The following ATAD3A variants were observed in gnomAD, a reference collection of about 807,000 sequenced individuals.
ATAD3A encodes the protein ATPase family AAA domain-containing protein 3A.
A neutral mutation model predicts 73.8 loss-of-function variants in ATAD3A; 46 were observed. The observed-to-expected ratio is 0.62, with a 90% CI of 0.49 to 0.80. The LOEUF is 0.80. ATAD3A is among the 30% of genes least tolerant of loss of function. ATAD3A has a pLI of 0.00. For missense variants in ATAD3A, 705 were observed against 838.0 expected, an observed-to-expected ratio of 0.84 and a Z score of 1.96; for synonymous variants, 319 against 350.0, an observed-to-expected ratio of 0.91 and a Z score of 0.99.
chr1:1,520,410 C>G lies in ATAD3A; in HGVS notation c.680+104C>G, dbSNP rs1011245407. 31 of 1,592,614 alleles carry G rather than the reference C, an allele frequency of 1.9e-5. No homozygotes were observed. The highest frequency in any genetic ancestry group is 2.7e-5 in the Non-Finnish European group (31 of 1,166,316). On this transcript the variant is annotated intron_variant, in intron 6 of 15. Transcript: ENST00000378756. The surrounding 1 kb of genome is among the most constrained non-coding windows in gnomAD (Gnocchi z 4.0). ...CTCTTCCAGGCCTTGCCGCCGTAGG[C>G]TGACTCCTTGGTGGGGGCACTGCCC...
rs1307652435 is a variant in ATAD3A, at chr1:1,518,822, A to C, written c.445-99A>C. ...ACCGTCACACCCCGCAAACGGGCAC[A>C]CTCACCCCCCTGCACACTCGGGCAC... On this transcript the variant is annotated intron_variant, in intron 4 of 15. Coordinates refer to ENST00000378756, the MANE Select transcript of ATAD3A (RefSeq NM_001170535.3). The C allele has an allele frequency of 6.9e-6, 11 of 1,589,862 alleles. No individual in the cohort carries two copies. In the African/African-American group the frequency reaches 1.4e-4, roughly 21 times the overall value.
chr1:1,527,954 AT>A, intron 14 of ATAD3A, 92 bp downstream of exon 14: 2 of 1,158,652 alleles, frequency 1.7e-6, no homozygotes, highest in South Asian at 2.0e-5. Context: ...AACCTTTAAC[AT>A]TCCTTTTTTT....
chr1:1,518,932 T>C lies in ATAD3A; in HGVS notation c.456T>C (p.Asn152=), dbSNP rs1641487937. 4 of 1,613,950 alleles carry C rather than the reference T, an allele frequency of 2.5e-6. No homozygotes were observed. Among genetic ancestry groups the C allele is most frequent in the African/African-American group, 1.3e-5 (1 of 74,930 alleles). Residue 152 remains asparagine, a synonymous_variant, in exon 5 of 16, where the codon AAT becomes AAC. Transcript: ENST00000378756. ...CGGCTTCTTCTCAGCAACTTCTCAA[T>C]GAGGAGAATTTACGGAAGCAGGAGG... is the stretch of plus-strand genomic sequence containing the variant. ...EDQLKQQQLL[N]EENLRKQEES...
intron 7 of ATAD3A, among the ~76,000 whole-genome samples, chr1:1,521,928 C>G (rs748606343): frequency 2.0e-5 from 3 of 152,176 alleles, no homozygotes; most frequent in Non-Finnish European, 4.4e-5. Context: ...GGGTTTTCAC[C>G]ATGTTGGCCA....
chr1:1,531,605 C>T (rs1166587080), intron 15 of ATAD3A, among the ~76,000 whole-genome samples: 4 of 150,916 alleles, frequency 2.7e-5, no homozygotes, highest in East Asian at 4.0e-4. Flanking sequence ...AACCCCATCT[C>T]TAATAAAAAA....
At chr1:1,516,400 A>AT (rs1434919435) in intron 2 of ATAD3A, among the ~76,000 whole-genome samples, 2 of 146,508 alleles carry the variant, frequency 1.4e-5, no homozygotes, top group Non-Finnish European at 2.9e-5. Context: ...ACTCAGCAGG[A>AT]TTTTTTTGTT....
rs1041713028 is a variant in ATAD3A, at chr1:1,522,793, C to G, written c.800C>G (p.Ala267Gly). 6 of 1,611,382 alleles carry G rather than the reference C, an allele frequency of 3.7e-6. No individual in the cohort carries two copies. Among genetic ancestry groups the G allele is most frequent in the Non-Finnish European group, 4.2e-6 (5 of 1,179,788 alleles). Reference protein sequence around the residue: ...LAVGVYSAKNATLVAGRFIEA... With the variant: ...LAVGVYSAKNGTLVAGRFIEA... ...GTTGGGGTCTACTCAGCCAAGAATG[C>G]CACGCTTGTCGCCGGCCGCTTCATC... The change falls in exon 8 of 16, where the codon GCC becomes GGC. Residue 267 changes from alanine (A) to glycine (G), a missense_variant. Transcript: ENST00000378756.
intron 7 of ATAD3A, among the ~76,000 whole-genome samples, chr1:1,522,261 G>A (rs984717257): frequency 6.6e-6 from 1 of 152,092 alleles, no homozygotes; most frequent in East Asian, 1.9e-4. Flanking sequence ...GGCTGGTCTT[G>A]AACTCTTGAC....
rs528822030 is a variant in ATAD3A, at chr1:1,520,877, C to T, written c.750+260C>T. 5.9e-5 allele frequency among the ~76,000 whole-genome samples: 9 copies of T among 152,202 alleles called. No individual in the cohort carries two copies. The highest frequency in any genetic ancestry group is 4.6e-4 in the Admixed American group (7 of 15,294). On this transcript the variant is annotated intron_variant, in intron 7 of 15. Transcript: ENST00000378756. The surrounding 1 kb of genome is among the most constrained non-coding windows in gnomAD (Gnocchi z 4.0). ...AAATATTAGCTGGGTGTGGTGGCAGCCCCTGTGGTCCCACTACTCAAGAGG... is the reference window on the plus strand; with the variant it reads ...AAATATTAGCTGGGTGTGGTGGCAGTCCCTGTGGTCCCACTACTCAAGAGG...
At chr1:1,532,575 C>G (rs901806253) in intron 15 of ATAD3A, among the ~76,000 whole-genome samples, 1 of 152,170 alleles carries the variant, frequency 6.6e-6, no homozygotes, top group African/African-American at 2.4e-5. Flanking sequence ...CAGGACGCCA[C>G]GTGACATTTA....
At position 1,520,569 on chromosome 1, in the gene ATAD3A, G is replaced by T. The variant is rs1641554122; in HGVS notation, c.702G>T (p.Gly234=). 5.6e-6 allele frequency: 9 copies of T among 1,613,942 alleles called. No homozygotes were observed. The highest frequency in any genetic ancestry group is 6.8e-6 in the Non-Finnish European group (8 of 1,179,886). Reference sequence around the variant, plus strand: ...GCAGGACGGCTGGCACCTTGTTTGGGGAAGGATTCCGTGCCTTTGTGACAG... The same window carrying T: ...GCAGGACGGCTGGCACCTTGTTTGGTGAAGGATTCCGTGCCTTTGTGACAG... ...ESIRTAGTLF[G]EGFRAFVTDW... The change falls in exon 7 of 16, where the codon GGG becomes GGT. Residue 234 remains glycine (G), a synonymous_variant. Transcript: ENST00000378756. The surrounding 1 kb of genome is among the most constrained non-coding windows in gnomAD (Gnocchi z 4.0).
rs819968 is a variant in ATAD3A at position 1,519,234 on chromosome 1, T to G, written c.514+244T>G. 2.6e-3 allele frequency among the ~76,000 whole-genome samples: 373 copies of G among 146,226 alleles called. 1 individual carries two copies. Among genetic ancestry groups the G allele is most frequent in the Middle Eastern group, 0.014 (4 of 288 alleles). On this transcript the variant is annotated intron_variant, in intron 5 of 15. Transcript: ENST00000378756. The stretch of plus-strand genomic sequence containing the variant: ...CTTCATGGGAAGTACAGGGGCCTTT[T>G]TTTTTTTTTTGAGACGGAGTCTCGC...
Position 1,519,010 on chromosome 1 carries a change from G to T in ATAD3A, c.514+20G>T. On this transcript the variant is annotated intron_variant, in intron 5 of 15. Coordinates refer to ENST00000378756, the MANE Select transcript of ATAD3A (RefSeq NM_001170535.3). ...GGCGAGGTAGGCTGTCTGCTCTCCT[G>T]GCTGGGGCGGAGGTGGCGGGGGCTG... The T allele has an allele frequency of 6.2e-7, 1 of 1,614,040 alleles. No individual in the cohort carries two copies. The highest frequency in any genetic ancestry group is 8.5e-7 in the Non-Finnish European group (1 of 1,179,920).
intron 12 of ATAD3A, 63 bp downstream of exon 12, chr1:1,525,354 G>T: frequency 6.3e-7 from 1 of 1,596,594 alleles, no homozygotes; most frequent in Non-Finnish European, 8.6e-7. Flanking sequence ...GTCTGCCTGG[G>T]CCAGGCTGCA....
chr1:1,533,066 G>A (rs556616856), intron 15 of ATAD3A, among the ~76,000 whole-genome samples: 49 of 152,308 alleles, frequency 3.2e-4, no homozygotes, highest in African/African-American at 1.0e-3. Context: ...AGGTTCCGTC[G>A]TGGCGACGGT....
In ATAD3A at chr1:1,533,992, G is replaced by C. The variant is rs759232261; in HGVS notation, c.1681G>C (p.Ala561Pro). Residue 561 changes from alanine (A) to proline (P), a missense_variant, in exon 16 of 16, where the codon GCT (alanine) becomes CCT (proline). Physicochemically the swap from Ala to Pro is conservative, Grantham distance 27. Around this residue, in one of 5 missense-constraint regions of ATAD3A, gnomAD observed 252 missense variants for 278.5 expected, o/e 0.90. Transcript: ENST00000378756. ...EAMMDTRVQD[A>P]VQQHQQKMCW... ...CATGATGGACACCCGCGTGCAAGAT[G>C]CTGTCCAGCAGCACCAGCAGAAGAT... The C allele has an allele frequency of 6.2e-7, 1 of 1,613,572 alleles. No homozygotes were observed. Among genetic ancestry groups the C allele is most frequent in the South Asian group, 1.1e-5 (1 of 91,080 alleles).
chr1:1,531,063 C>A (rs1376660597), intron 15 of ATAD3A, among the ~76,000 whole-genome samples: 2 of 152,010 alleles, frequency 1.3e-5, no homozygotes, highest in Non-Finnish European at 2.9e-5. Context: ...GAGGCTGAGC[C>A]AGGAGAATCT....
rs1448888013 is a variant in ATAD3A at position 1,520,063 on chromosome 1, G to A, written c.515-78G>A. The A allele has an allele frequency of 8.6e-5, 132 of 1,543,664 alleles. No homozygotes were observed. The highest frequency in any genetic ancestry group is 1.4e-4 in the East Asian group (6 of 41,802). On this transcript the variant is annotated intron_variant, in intron 5 of 15. Transcript: ENST00000378756. The surrounding 1 kb of genome is among the most constrained non-coding windows in gnomAD (Gnocchi z 4.0). ...TCCGTGGCGTGGGCCGGTCCGTGGC[G>A]TGGGCCGGTCCACAGTGTGGGTGGA...
At chr1:1,532,237 A>G (rs1406629503) in intron 15 of ATAD3A, among the ~76,000 whole-genome samples, 2 of 152,056 alleles carry the variant, frequency 1.3e-5, no homozygotes, top group South Asian at 2.1e-4. Context: ...TATCAGGGAT[A>G]TTGGCATGTC....
Sources: allele counts gnomAD v4.1 joint callset (sites outside exome capture counted in the v4.1 genomes callset), GRCh38; gene constraint gnomAD v4.1.1; regional missense constraint gnomAD v4.1.1; non-coding constraint Gnocchi (gnomAD v3.1); transcripts MANE v1.5; gene names NCBI Gene and HGNC (gene_info 2026-07-23, HGNC 2026-07-21).